MAP4: variants seen among roughly 807,000 people sequenced by gnomAD.
MAP4 encodes microtubule associated protein 4.
MAP4 carries 76 observed loss-of-function variants against 170.2 expected under a neutral mutation model. The ratio of observed to expected loss-of-function variants is 0.45; its 90% CI spans 0.37 to 0.54. The LOEUF is 0.54. MAP4 is among the 20% of genes least tolerant of loss of function. MAP4 has a pLI of 0.00. For missense variants in MAP4, 2,506 were observed against 2,748.0 expected, an observed-to-expected ratio of 0.91 and a Z score of 1.97; for synonymous variants, 909 against 994.5, an observed-to-expected ratio of 0.91 and a Z score of 1.62.
At position 47,856,928 on chromosome 3, in the gene MAP4, G is replaced by A. The variant is rs1559772041; in HGVS notation, c.6583+503C>T. On this transcript the variant is annotated intron_variant, in intron 18 of 20. Coordinates refer to ENST00000683076, the MANE Select transcript of MAP4 (RefSeq NM_001385682.1). ...TCCGCACAGCGACTTCCACAGGGGC[G>A]CTGGGCCAACCATGTTGCTGGAAGG... Among the ~76,000 whole-genome samples, 5 of 152,236 alleles carry A rather than the reference G, an allele frequency of 3.3e-5. No homozygotes were observed. In the South Asian group the frequency reaches 1.0e-3, roughly 32 times the overall value.
chr3:47,928,247 C>G lies in MAP4; in HGVS notation c.396G>C (p.Val132=), dbSNP rs750574770. The G allele has an allele frequency of 1.2e-6, 2 of 1,614,142 alleles. No individual in the cohort carries two copies. The highest frequency in any genetic ancestry group is 2.2e-5 in the South Asian group (2 of 91,078). The change falls in exon 4 of 21, where the codon GTG becomes GTC. Residue 132 remains valine (V), a synonymous_variant. Coordinates refer to ENST00000683076, the MANE Select transcript of MAP4 (RefSeq NM_001385682.1). ...DTNFCFQPEQ[V]VDPIQTDPFK... is the part of the protein sequence containing the mutation. Reference sequence around the variant, plus strand: ...ACTTACCAGTCTGGATAGGATCGACCACTTGCTCAGGTTGGAAACAAAAGT... The same window carrying G: ...ACTTACCAGTCTGGATAGGATCGACGACTTGCTCAGGTTGGAAACAAAAGT...
chr3:48,042,253 T>C (rs1391866924), intron 1 of MAP4, among the ~76,000 whole-genome samples: 1 of 152,132 alleles, frequency 6.6e-6, no homozygotes, highest in Non-Finnish European at 1.5e-5. Context: ...TATCTCCAGG[T>C]TGATTATGTC....
chr3:47,891,798 G>C (rs1347310495), intron 10 of MAP4: 3 of 1,536,376 alleles, frequency 2.0e-6, no homozygotes, highest in Admixed American at 3.9e-5. Context: ...ACCAGGAGTG[G>C]GGACTCACAC....
chr3:47,959,458 GAA>G (rs1053582528), intron 3 of MAP4, among the ~76,000 whole-genome samples: 1 of 135,810 alleles, frequency 7.4e-6, no homozygotes, highest in Non-Finnish European at 1.6e-5. Flanking sequence ...ATTTTCAAGG[GAA>G]AAAAAAAAAA....
intron 1 of MAP4, among the ~76,000 whole-genome samples, chr3:48,022,137 G>T (rs2100110867): frequency 6.6e-6 from 1 of 152,182 alleles, no homozygotes; most frequent in Non-Finnish European, 1.5e-5. Context: ...GGGTCAACTG[G>T]ATATTTTGAG....
At chr3:48,019,165 C>A (rs2100109301), upstream of MAP4, among the ~76,000 whole-genome samples, 2 of 152,000 alleles carry the variant, frequency 1.3e-5, 1 homozygote, top group South Asian at 4.1e-4. Context: ...TGGCAAGACA[C>A]CATCTCTACA....
At chr3:48,051,084 T>C (rs1342973299) in intron 1 of MAP4, among the ~76,000 whole-genome samples, 1 of 148,544 alleles carries the variant, frequency 6.7e-6, no homozygotes, top group East Asian at 2.0e-4. Context: ...TTGAAAACCA[T>C]TCAATTTCCA....
chr3:47,917,138 G>A lies in MAP4; in HGVS notation c.689C>T (p.Ser230Leu), dbSNP rs1333755501. 5.0e-6 allele frequency: 8 copies of A among 1,613,882 alleles called. No individual in the cohort carries two copies. Among genetic ancestry groups the A allele is most frequent in the Non-Finnish European group, 6.8e-6 (8 of 1,179,954 alleles). ...LELAKEIEMA[S>L]EERPPAQALE... ...TGCTTGTGCTGGTGGCCTCTCTTCT[G>A]ATGCCATTTCTATCTCCTTGGCTAG... Residue 230 changes from serine (S) to leucine (L), a missense_variant, in exon 7 of 21, where the codon TCA (serine) becomes TTA (leucine). Around this residue, in one of 3 missense-constraint regions of MAP4, gnomAD observed 2,008 missense variants for 2,206.0 expected, o/e 0.91. Transcript: ENST00000683076.
chr3:48,005,956 G>A (rs899564087), intron 1 of MAP4, among the ~76,000 whole-genome samples: 3 of 152,206 alleles, frequency 2.0e-5, no homozygotes, highest in Admixed American at 1.3e-4. Flanking sequence ...CGTAGCTACC[G>A]TAATGGACAG....
chr3:48,022,011 C>A (rs558873356), intron 1 of MAP4, among the ~76,000 whole-genome samples: 1 of 152,086 alleles, frequency 6.6e-6, no homozygotes, highest in South Asian at 2.1e-4. Flanking sequence ...AAACAAGAGG[C>A]CAATGCAAAA....
At chr3:47,957,165 GT>G (rs2100068327) in intron 3 of MAP4, among the ~76,000 whole-genome samples, 1 of 152,066 alleles carries the variant, frequency 6.6e-6, no homozygotes, top group Admixed American at 6.6e-5. Flanking sequence ...TCCACACAGT[GT>G]TGCGGCTGCT....
At chr3:47,870,090 G>C (rs1332591365) in intron 15 of MAP4, among the ~76,000 whole-genome samples, 1 of 151,290 alleles carries the variant, frequency 6.6e-6, no homozygotes, top group Non-Finnish European at 1.5e-5. Context: ...TAGAGCTAGT[G>C]AATGACCTAG....
intron 1 of MAP4, among the ~76,000 whole-genome samples, chr3:48,001,689 A>G (rs1421723874): frequency 1.3e-5 from 2 of 152,004 alleles, no homozygotes; most frequent in Non-Finnish European, 2.9e-5. Flanking sequence ...TAGTAGAGAC[A>G]GGGTGCCACC....
At chr3:47,972,344 G>T (rs974301522) in intron 3 of MAP4, among the ~76,000 whole-genome samples, 1 of 152,120 alleles carries the variant, frequency 6.6e-6, no homozygotes, top group African/African-American at 2.4e-5. Context: ...AATTCAGGAG[G>T]CACTTTAGGA....
intron 4 of MAP4, among the ~76,000 whole-genome samples, chr3:47,924,438 T>C (rs1220528638): frequency 6.6e-6 from 1 of 152,228 alleles, no homozygotes; most frequent in Non-Finnish European, 1.5e-5. Context: ...ACTCATTATA[T>C]AGTCTTTCCA....
intron 10 of MAP4, among the ~76,000 whole-genome samples, chr3:47,879,870 TAA>T (rs2096366346): frequency 6.6e-6 from 1 of 152,212 alleles, no homozygotes; most frequent in African/African-American, 2.4e-5. Flanking sequence ...ACACTATATT[TAA>T]AAGAGTGGTG....
chr3:47,922,777 T>C (rs1481795163), intron 4 of MAP4, among the ~76,000 whole-genome samples: 1 of 152,142 alleles, frequency 6.6e-6, no homozygotes, highest in African/African-American at 2.4e-5. Context: ...GGGCCGGGCA[T>C]GGTGGTTCAT....
At chr3:47,959,363 G>A (rs775746789) in intron 3 of MAP4, among the ~76,000 whole-genome samples, 2 of 152,044 alleles carry the variant, frequency 1.3e-5, no homozygotes, top group Non-Finnish European at 2.9e-5. Context: ...GAGGCTGAGA[G>A]GCAGGAGAAT....
At position 47,998,708 on chromosome 3, in the gene MAP4, C is replaced by G. The variant is rs747134584; in HGVS notation, c.153G>C (p.Leu51=). 6.2e-7 allele frequency: 1 copy of G among 1,614,106 alleles called. No individual in the cohort carries two copies. The highest frequency in any genetic ancestry group is 8.5e-7 in the Non-Finnish European group (1 of 1,179,994). ...AGTTCCCGGTTTTCTCATCAACATC[C>G]AGGAGAGGAATATAGTCTGTTTTTC... ...TVGKTDYIPL[L]DVDEKTGNSE... is the part of the protein sequence containing the mutation. Residue 51 remains leucine, a synonymous_variant, in exon 2 of 21, where the codon CTG becomes CTC. Transcript: ENST00000683076.
Sources: allele counts gnomAD v4.1 joint callset (sites outside exome capture counted in the v4.1 genomes callset), GRCh38; gene constraint gnomAD v4.1.1; regional missense constraint gnomAD v4.1.1; transcripts MANE v1.5; gene names NCBI Gene and HGNC (gene_info 2026-07-23, HGNC 2026-07-21).